The following PTPRD variants were observed in gnomAD, a reference collection of about 807,000 sequenced individuals.
The protein encoded by PTPRD is receptor-type tyrosine-protein phosphatase delta.
Under a neutral mutation model 214.5 loss-of-function variants are expected in PTPRD, and 34 were observed. The observed-to-expected ratio is 0.16, with a 90% CI of 0.12 to 0.21. PTPRD has a LOEUF of 0.21. Among genes scored for constraint, PTPRD ranks in the 10% least tolerant of loss-of-function variants. The probability of loss-of-function intolerance (pLI) is 1.00; values close to 1 mark genes in which losing one functional copy is unlikely to be tolerated. For synonymous variants in PTPRD, 1,128 were observed against 845.7 expected, an observed-to-expected ratio of 1.33 and a Z score of -5.79; for missense variants, 2,545 against 2,398.7, an observed-to-expected ratio of 1.06 and a Z score of -1.27.
intron 7 of PTPRD, among the ~76,000 whole-genome samples, chr9:9,727,423 C>T (rs1166007081): frequency 6.6e-6 from 1 of 152,006 alleles, no homozygotes; most frequent in Non-Finnish European, 1.5e-5. Flanking sequence ...GCACTCTAGC[C>T]TGGATAACCA....
intron 6 of PTPRD, among the ~76,000 whole-genome samples, chr9:9,745,507 T>C (rs765933923): frequency 6.6e-6 from 1 of 152,114 alleles, no homozygotes; most frequent in Non-Finnish European, 1.5e-5. Context: ...TTTATCACCA[T>C]CGTGGCAGGG....
chr9:9,811,030 G>A (rs1265093924), intron 5 of PTPRD, among the ~76,000 whole-genome samples: 1 of 152,026 alleles, frequency 6.6e-6, no homozygotes, highest in East Asian at 1.9e-4. Flanking sequence ...TTGAGGTCAG[G>A]AGTTTGAGAC....
intron 3 of PTPRD, among the ~76,000 whole-genome samples, chr9:10,099,816 T>C (rs1035579666): frequency 3.3e-5 from 5 of 151,558 alleles, no homozygotes; most frequent in Admixed American, 6.6e-5. Context: ...GAAGATTGGG[T>C]AAGATTAGAA....
chr9:8,720,138 T>G (rs993658816), intron 12 of PTPRD, among the ~76,000 whole-genome samples: 5 of 152,246 alleles, frequency 3.3e-5, no homozygotes, highest in Admixed American at 2.0e-4. Flanking sequence ...ATATGGCTTA[T>G]AGTCATGAAG....
chr9:9,792,131 T>C (rs376289451), intron 5 of PTPRD, among the ~76,000 whole-genome samples: 3 of 150,490 alleles, frequency 2.0e-5, no homozygotes, highest in Admixed American at 2.0e-4. Context: ...TTTAAAAAAA[T>C]CACATTACTC....
intron 8 of PTPRD, among the ~76,000 whole-genome samples, chr9:9,453,313 T>C (rs2092525894): frequency 2.6e-5 from 4 of 151,580 alleles, no homozygotes. Flanking sequence ...GCCACATTTA[T>C]ATTAATAAGC....
chr9:9,793,436 A>T (rs746466032), intron 5 of PTPRD, among the ~76,000 whole-genome samples: 8 of 152,148 alleles, frequency 5.3e-5, no homozygotes, highest in Admixed American at 1.3e-4. Flanking sequence ...TAAATGTATT[A>T]AAATGCCCAC....
At chr9:8,820,695 T>C (rs2097036611) in intron 11 of PTPRD, among the ~76,000 whole-genome samples, 1 of 152,050 alleles carries the variant, frequency 6.6e-6, no homozygotes, top group Non-Finnish European at 1.5e-5. Flanking sequence ...AGCGAACGCC[T>C]CCTTGAAATT....
At chr9:9,121,892 C>T (rs1391594363) in intron 10 of PTPRD, among the ~76,000 whole-genome samples, 1 of 152,128 alleles carries the variant, frequency 6.6e-6, no homozygotes, top group Non-Finnish European at 1.5e-5. Context: ...GGCTCATGTT[C>T]TGAACAATAT....
At chr9:8,494,474 A>G (rs2097216686) in intron 26 of PTPRD, among the ~76,000 whole-genome samples, 1 of 152,208 alleles carries the variant, frequency 6.6e-6, no homozygotes, top group African/African-American at 2.4e-5. Flanking sequence ...AGTATTTTAA[A>G]TGACAGCAGA....
chr9:8,662,592 C>G (rs2097085400), intron 12 of PTPRD, among the ~76,000 whole-genome samples: 1 of 152,158 alleles, frequency 6.6e-6, no homozygotes, highest in Admixed American at 6.5e-5. Context: ...ACCTCCAAAC[C>G]TAACCCTCAC....
chr9:10,603,077 C>A (rs1403948709), intron 2 of PTPRD, among the ~76,000 whole-genome samples: 2 of 151,758 alleles, frequency 1.3e-5, no homozygotes, highest in African/African-American at 2.4e-5. Context: ...ACCATAAAAT[C>A]TGACGCCAAG....
At chr9:10,176,044 TG>T (rs1190753715) in intron 3 of PTPRD, among the ~76,000 whole-genome samples, 2 of 152,002 alleles carry the variant, frequency 1.3e-5, no homozygotes, top group Non-Finnish European at 2.9e-5. Context: ...GAACAATATT[TG>T]TTTGGGATAT....
intron 35 of PTPRD, among the ~76,000 whole-genome samples, chr9:8,431,437 C>T (rs1008107660): frequency 2.0e-5 from 3 of 152,080 alleles, no homozygotes; most frequent in African/African-American, 7.2e-5. Flanking sequence ...TACTGTTAGC[C>T]TTGGCCCTAT....
At chr9:10,284,856 T>C (rs891401800) in intron 3 of PTPRD, among the ~76,000 whole-genome samples, 1 of 152,150 alleles carries the variant, frequency 6.6e-6, no homozygotes, top group Non-Finnish European at 1.5e-5. Flanking sequence ...CCTGATAAGG[T>C]CACTTAAGGA....
intron 10 of PTPRD, chr9:9,091,229 C>T: frequency 3.1e-6 from 4 of 1,302,770 alleles, no homozygotes; most frequent in Non-Finnish European, 4.4e-6. Context: ...CCACGTCCCC[C>T]ACCAAAGCCC....
chr9:8,548,573 G>A (rs1317858931), intron 14 of PTPRD, among the ~76,000 whole-genome samples: 2 of 150,322 alleles, frequency 1.3e-5, no homozygotes. Flanking sequence ...TCGCCATGTT[G>A]GCTAGGCTGT....
intron 21 of PTPRD, among the ~76,000 whole-genome samples, chr9:8,515,580 G>C (rs529002359): frequency 1.3e-5 from 2 of 152,242 alleles, no homozygotes; most frequent in East Asian, 3.9e-4. Context: ...CTGTGTACTA[G>C]TGAAAAGGGA....
rs539279006 is a variant in PTPRD at position 9,664,599 on chromosome 9, T to A, written c.-287+69934A>T. The stretch of plus-strand genomic sequence containing the variant: ...CCACAAAGCTCTTTTGTTAGACAGT[T>A]CCATCAAAAGTTAGACAATTCATTT... On this transcript the variant is annotated intron_variant, in intron 7 of 45. Coordinates refer to ENST00000381196, the MANE Select transcript of PTPRD (RefSeq NM_002839.4). 3.1e-4 allele frequency among the ~76,000 whole-genome samples: 47 copies of A among 151,826 alleles called. 1 individual carries two copies. Among genetic ancestry groups the A allele is most frequent in the Middle Eastern group, 3.4e-3 (1 of 294 alleles).
Sources: gnomAD v4.1 joint callset for allele counts (sites outside exome capture counted in the v4.1 genomes callset) on GRCh38, gnomAD v4.1.1 for gene constraint, MANE v1.5 for transcripts, NCBI Gene and HGNC (gene_info 2026-07-23, HGNC 2026-07-21) for gene names.